Variants in EPHB1 observed in about 807,000 individuals in gnomAD.
EPHB1 encodes the protein EPH receptor B1, also known as ephrin type-B receptor 1.
Under a neutral mutation model 94.4 loss-of-function variants are expected in EPHB1, and 30 were observed. That is an observed-to-expected ratio of 0.32 (90% confidence interval 0.24 to 0.43). The LOEUF (loss-of-function observed/expected upper bound fraction) is 0.43. Among genes scored for constraint, EPHB1 ranks in the 20% least tolerant of loss-of-function variants. EPHB1 has a pLI of 1.00. For synonymous variants in EPHB1, 522 were observed against 489.1 expected (o/e 1.07, Z -0.89); for missense variants, 1,055 against 1,308.3 (o/e 0.81, Z 2.99).
chr3:135,145,906 T>C (rs1313847630), intron 5 of EPHB1, among the ~76,000 whole-genome samples: 1 of 152,256 alleles, frequency 6.6e-6, no homozygotes, highest in African/African-American at 2.4e-5. Flanking sequence ...CTGACTCCTT[T>C]TACCTCTGAG....
At position 135,053,426 on chromosome 3, in the gene EPHB1, C is replaced by T. The variant is rs549087570; in HGVS notation, c.806-53022C>T. The stretch of plus-strand genomic sequence containing the variant: ...AGAAAAATTGGAAACTTTATGAGAC[C>T]TTTTGGGAACTGGTTTAAGGTGAGA... On this transcript the variant is annotated intron_variant, in intron 3 of 15. Coordinates refer to ENST00000398015, the MANE Select transcript of EPHB1 (RefSeq NM_004441.5). 3.4e-4 allele frequency among the ~76,000 whole-genome samples: 51 copies of T among 151,970 alleles called. No homozygotes were observed. In the South Asian group the frequency reaches 0.011, roughly 32 times the overall value.
chr3:134,985,717 C>T (rs891439269), intron 3 of EPHB1, among the ~76,000 whole-genome samples: 16 of 152,156 alleles, frequency 1.1e-4, no homozygotes, highest in Admixed American at 1.0e-3. Context: ...AGAGAAAACC[C>T]TCACTAAATA....
chr3:134,842,114 A>G (rs754608825), intron 1 of EPHB1, among the ~76,000 whole-genome samples: 3 of 152,126 alleles, frequency 2.0e-5, no homozygotes, highest in Non-Finnish European at 2.9e-5. Flanking sequence ...CCCTTCATGA[A>G]TGGGATTAGT....
intron 3 of EPHB1, among the ~76,000 whole-genome samples, chr3:134,982,545 C>T (rs1934445424): frequency 6.6e-6 from 1 of 152,202 alleles, no homozygotes; most frequent in South Asian, 2.1e-4. Context: ...CTCTGTCCCT[C>T]AGTCTACCAG....
intron 5 of EPHB1, among the ~76,000 whole-genome samples, chr3:135,151,149 GC>G (rs1168602496): frequency 2.6e-5 from 4 of 152,090 alleles, no homozygotes; most frequent in African/African-American, 9.7e-5. Context: ...CTTTTACATG[GC>G]CCCTGCATTC....
intron 4 of EPHB1, among the ~76,000 whole-genome samples, chr3:135,113,579 G>A (rs927950837): frequency 6.6e-6 from 1 of 152,092 alleles, no homozygotes; most frequent in Non-Finnish European, 1.5e-5. Context: ...ATGACAGCTC[G>A]TGTCTTGTGC....
intron 12 of EPHB1, among the ~76,000 whole-genome samples, chr3:135,208,270 C>A (rs919846974): frequency 6.9e-6 from 1 of 144,840 alleles, no homozygotes; most frequent in Non-Finnish European, 1.5e-5. Flanking sequence ...AGCCTTAGAG[C>A]AATGGGAAAC....
At chr3:135,097,556 T>C (rs1233464228) in intron 3 of EPHB1, among the ~76,000 whole-genome samples, 1 of 152,208 alleles carries the variant, frequency 6.6e-6, no homozygotes, top group African/African-American at 2.4e-5. Flanking sequence ...CTGGCCCACC[T>C]CTTTAACAAC....
intron 1 of EPHB1, chr3:134,841,358 G>A (rs892321519): frequency 6.6e-5 from 10 of 152,216 alleles, no homozygotes; most frequent in African/African-American, 2.4e-4. Context: ...TCATGCTGCT[G>A]GTGTCACTGT....
At chr3:135,033,896 A>T (rs1405311600) in intron 3 of EPHB1, among the ~76,000 whole-genome samples, 2 of 152,196 alleles carry the variant, frequency 1.3e-5, no homozygotes, top group Non-Finnish European at 2.9e-5. Context: ...TTGTTGCCGT[A>T]AGGGACCCCA....
chr3:134,970,068 T>G (rs984769761), intron 3 of EPHB1, among the ~76,000 whole-genome samples: 14 of 152,224 alleles, frequency 9.2e-5, no homozygotes, highest in African/African-American at 2.7e-4. Context: ...GATCTCTTTA[T>G]TCTCTTAATA....
chr3:135,186,685 A>C (rs184909272), intron 10 of EPHB1, among the ~76,000 whole-genome samples: 7 of 152,288 alleles, frequency 4.6e-5, no homozygotes, highest in Admixed American at 3.3e-4. Context: ...TTTCGTTTTC[A>C]AAAATTGAGA....
At chr3:135,231,035 T>G (rs1304178716) in intron 12 of EPHB1, among the ~76,000 whole-genome samples, 1 of 152,188 alleles carries the variant, frequency 6.6e-6, no homozygotes, top group African/African-American at 2.4e-5. Flanking sequence ...GAACATAGGA[T>G]CTGCACCACT....
chr3:135,135,248 T>C lies in EPHB1; in HGVS notation c.1297+2199T>C, dbSNP rs762672688. Among the ~76,000 whole-genome samples the C allele has an allele frequency of 1.2e-3, 180 of 152,250 alleles. 1 individual carries two copies. The highest frequency in any genetic ancestry group is 3.4e-3 in the Middle Eastern group (1 of 294). ...GATGCAATTTCTTCTTGGTAGCACA[T>C]GGTTATTGTAAAACAAATATCAAGT... is the stretch of plus-strand genomic sequence containing the variant. On this transcript the variant is annotated intron_variant, in intron 5 of 15. Coordinates refer to ENST00000398015, the MANE Select transcript of EPHB1 (RefSeq NM_004441.5).
intron 6 of EPHB1, among the ~76,000 whole-genome samples, chr3:135,157,295 G>A (rs924814431): frequency 3.3e-5 from 5 of 152,142 alleles, no homozygotes; most frequent in South Asian, 2.1e-4. Context: ...CAGGGCAGGG[G>A]TCAAGGGCTT....
chr3:135,003,844 T>C (rs1442224029), intron 3 of EPHB1, among the ~76,000 whole-genome samples: 3 of 152,060 alleles, frequency 2.0e-5, no homozygotes, highest in African/African-American at 4.8e-5. Context: ...ATTTTGAGCC[T>C]ATGTGTGTCT....
At chr3:135,031,293 CTCTCTCTTTCTCCCTT>C (rs980898145) in intron 3 of EPHB1, among the ~76,000 whole-genome samples, 5 of 152,108 alleles carry the variant, frequency 3.3e-5, no homozygotes, top group South Asian at 2.1e-4. Context: ...TTCCTTCTCT[CTCTCTCTTTCTCCCTT>C]TCTCTCTTTC....
intron 2 of EPHB1, among the ~76,000 whole-genome samples, chr3:134,932,904 G>C (rs2038932411): frequency 6.6e-6 from 1 of 152,208 alleles, no homozygotes. Flanking sequence ...AGGTGGGGTT[G>C]GCCATGATTT....
chr3:135,044,958 T>C (rs1936955725), intron 3 of EPHB1, among the ~76,000 whole-genome samples: 1 of 152,208 alleles, frequency 6.6e-6, no homozygotes, highest in African/African-American at 2.4e-5. Context: ...GAATCAAGGC[T>C]GAGTATGAAC....
Sources: allele counts gnomAD v4.1 joint callset (sites outside exome capture counted in the v4.1 genomes callset), GRCh38; gene constraint gnomAD v4.1.1; transcripts MANE v1.5; gene names NCBI Gene and HGNC (gene_info 2026-07-23, HGNC 2026-07-21).